Variants in NKAIN2 observed in about 807,000 individuals in gnomAD.
The protein encoded by NKAIN2 is sodium/potassium transporting ATPase interacting 2, also known as sodium/potassium-transporting ATPase subunit beta-1-interacting protein 2.
A neutral mutation model predicts 32.6 loss-of-function variants in NKAIN2; 14 were observed. The observed-to-expected ratio is 0.43, with a 90% CI of 0.28 to 0.67. The LOEUF is 0.67. NKAIN2 is among the 30% of genes least tolerant of loss of function. The pLI, the probability that NKAIN2 is intolerant of heterozygous loss-of-function variation, is 0.17. For synonymous variants in NKAIN2, 80 were observed against 87.2 expected (o/e 0.92, Z 0.46); for missense variants, 198 against 258.3 (o/e 0.77, Z 1.60).
At chr6:124,149,116 G>A (rs538457766) in intron 1 of NKAIN2, among the ~76,000 whole-genome samples, 2 of 151,636 alleles carry the variant, frequency 1.3e-5, no homozygotes, top group East Asian at 1.9e-4. Flanking sequence ...TTGGAGAAAC[G>A]TCTATTTAAA....
At chr6:124,094,539 G>A (rs1784570444) in intron 1 of NKAIN2, among the ~76,000 whole-genome samples, 1 of 152,112 alleles carries the variant, frequency 6.6e-6, no homozygotes, top group Non-Finnish European at 1.5e-5. Flanking sequence ...AATGAGGTAA[G>A]AAGAGTAAAG....
At chr6:124,193,866 G>A (rs1285980234) in intron 1 of NKAIN2, among the ~76,000 whole-genome samples, 1 of 151,988 alleles carries the variant, frequency 6.6e-6, no homozygotes, top group Non-Finnish European at 1.5e-5. Flanking sequence ...AGCTCCTCTT[G>A]GCAGGCAAAT....
At chr6:124,325,613 C>T (rs1020088728) in intron 2 of NKAIN2, among the ~76,000 whole-genome samples, 16 of 152,092 alleles carry the variant, frequency 1.1e-4, no homozygotes, top group Non-Finnish European at 1.5e-5. Flanking sequence ...ATATCAGAAA[C>T]ATTATGTGGA....
At chr6:124,771,871 T>G (rs1407196225) in intron 4 of NKAIN2, among the ~76,000 whole-genome samples, 2 of 152,148 alleles carry the variant, frequency 1.3e-5, no homozygotes, top group Non-Finnish European at 2.9e-5. Context: ...GTGGTTCTCC[T>G]TCATGCAACA....
At chr6:124,331,834 A>G (rs1443120985) in intron 2 of NKAIN2, among the ~76,000 whole-genome samples, 1 of 152,176 alleles carries the variant, frequency 6.6e-6, no homozygotes, top group Admixed American at 6.5e-5. Flanking sequence ...TTTGATAAAG[A>G]TACAATGGTT....
rs1377997235 is a variant in NKAIN2, at chr6:124,431,579, AATAAG to A, written c.273+76236_273+76240del. On this transcript the variant is annotated intron_variant, in intron 3 of 6. Coordinates refer to ENST00000368417, the MANE Select transcript of NKAIN2 (RefSeq NM_001040214.3). ...GTATATCTGTGCTTTATACATATAA[AATAAG>A]ATATTTTAACCCCCTCAAGAGCCAA... Among the ~76,000 whole-genome samples, 5 of 152,196 alleles carry A rather than the reference AATAAG, an allele frequency of 3.3e-5. No individual in the cohort carries two copies. The South Asian group carries it at 1.0e-3, about 31-fold the overall frequency.
At chr6:124,260,411 G>A (rs565145293) in intron 1 of NKAIN2, among the ~76,000 whole-genome samples, 4 of 152,184 alleles carry the variant, frequency 2.6e-5, no homozygotes, top group Non-Finnish European at 5.9e-5. Context: ...GAGTGACCAG[G>A]ATAACTTTTG....
intron 3 of NKAIN2, among the ~76,000 whole-genome samples, chr6:124,475,742 G>A (rs1322897278): frequency 6.6e-6 from 1 of 152,034 alleles, no homozygotes. Flanking sequence ...CTGATTCAAA[G>A]GCTTTTTTCA....
intron 3 of NKAIN2, among the ~76,000 whole-genome samples, chr6:124,656,021 T>C (rs1406748327): frequency 2.0e-5 from 3 of 152,172 alleles, no homozygotes; most frequent in Non-Finnish European, 4.4e-5. Context: ...TAGTCTCTTG[T>C]TGGTTGCCCT....
At chr6:124,498,362 G>A (rs1321343363) in intron 3 of NKAIN2, among the ~76,000 whole-genome samples, 1 of 152,194 alleles carries the variant, frequency 6.6e-6, no homozygotes, top group Non-Finnish European at 1.5e-5. Context: ...GGAAGGAAAG[G>A]ACAGGGTGGA....
intron 2 of NKAIN2, among the ~76,000 whole-genome samples, chr6:124,344,628 CTGTT>C (rs1214828669): frequency 1.2e-4 from 19 of 152,146 alleles, no homozygotes; most frequent in South Asian, 6.2e-4. Flanking sequence ...ATTTGGCTCT[CTGTT>C]TGTCTGTTAT....
At chr6:124,796,470 G>T (rs1296914762) in intron 5 of NKAIN2, among the ~76,000 whole-genome samples, 1 of 152,058 alleles carries the variant, frequency 6.6e-6, no homozygotes. Flanking sequence ...CACACTCCAC[G>T]TGTGTCCTGG....
At chr6:124,386,010 G>T (rs1323414909) in intron 3 of NKAIN2, among the ~76,000 whole-genome samples, 1 of 152,102 alleles carries the variant, frequency 6.6e-6, no homozygotes, top group Non-Finnish European at 1.5e-5. Context: ...GGGGTCCTGG[G>T]AATATAATCA....
At chr6:123,949,557 G>T (rs999418171) in intron 1 of NKAIN2, among the ~76,000 whole-genome samples, 1 of 151,796 alleles carries the variant, frequency 6.6e-6, no homozygotes, top group Admixed American at 6.6e-5. Context: ...GGTTCATTTT[G>T]TAACTATTGT....
intron 3 of NKAIN2, among the ~76,000 whole-genome samples, chr6:124,397,981 T>C (rs7772975): frequency 0.49 from 73,631 of 151,480 alleles, 18,020 homozygotes; most frequent in South Asian, 0.58. Flanking sequence ...GGGCCGGGCG[T>C]GGTGGCTCAC....
intron 1 of NKAIN2, among the ~76,000 whole-genome samples, chr6:123,976,270 C>T (rs997881213): frequency 3.3e-4 from 22 of 67,576 alleles, no homozygotes; most frequent in East Asian, 7.9e-4. Context: ...TATATGTTTC[C>T]ATATATATGT....
intron 3 of NKAIN2, among the ~76,000 whole-genome samples, chr6:124,536,082 A>G (rs1358028338): frequency 6.6e-6 from 1 of 152,222 alleles, no homozygotes; most frequent in Non-Finnish European, 1.5e-5. Context: ...GGACTTTACA[A>G]GCAGAAAATA....
In NKAIN2 at chr6:124,437,871, G is replaced by GTTTTTT. The variant is rs751652394; in HGVS notation, c.273+82524_273+82525insTTTTTT. The GTTTTTT allele has an allele frequency of 1.7e-3, 571 of 345,692 alleles. 6 individuals are homozygous for GTTTTTT. Among genetic ancestry groups the GTTTTTT allele is most frequent in the African/African-American group, 0.015 (506 of 34,512 alleles). 21.4% of individuals were successfully genotyped at this position (345,692 alleles called of 1,614,324 possible). On this transcript the variant is annotated intron_variant, in intron 3 of 6. Coordinates refer to ENST00000368417, the MANE Select transcript of NKAIN2 (RefSeq NM_001040214.3). ...TGTAGGGAATACGTACTGATCTATTGATTTTTTTTTTTTTTTTTTTCTTAA... is the reference window on the plus strand; with the variant it reads ...TGTAGGGAATACGTACTGATCTATTGTTTTTTATTTTTTTTTTTTTTTTTTTCTTAA...
At chr6:124,671,922 T>C (rs919268558) in intron 4 of NKAIN2, among the ~76,000 whole-genome samples, 1 of 151,980 alleles carries the variant, frequency 6.6e-6, no homozygotes, top group African/African-American at 2.4e-5. Flanking sequence ...TCATTCTAAG[T>C]ACAGAATGGG....
Sources: allele counts gnomAD v4.1 joint callset (sites outside exome capture counted in the v4.1 genomes callset), GRCh38; gene constraint gnomAD v4.1.1; transcripts MANE v1.5; gene names NCBI Gene and HGNC (gene_info 2026-07-23, HGNC 2026-07-21).